The following VPS53 variants were observed in gnomAD, a reference collection of about 807,000 sequenced individuals.
The protein encoded by VPS53 is vacuolar protein sorting-associated protein 53 homolog.
A neutral mutation model predicts 107.0 loss-of-function variants in VPS53; 70 were observed. The observed-to-expected ratio is 0.65, with a 90% CI of 0.54 to 0.80. The LOEUF (loss-of-function observed/expected upper bound fraction) is 0.80, where lower values mean the gene tolerates loss of function less well. VPS53 is among the 30% of genes least tolerant of loss of function. The probability of loss-of-function intolerance (pLI) is 0.00; values close to 1 mark genes in which losing one functional copy is unlikely to be tolerated. For missense variants in VPS53, 917 were observed against 1,049.4 expected (o/e 0.87, Z 1.74); for synonymous variants, 409 against 393.3 (o/e 1.04, Z -0.47).
At chr17:710,046 G>A (rs151300770) in intron 2 of VPS53, among the ~76,000 whole-genome samples, 5,914 of 152,220 alleles carry the variant, frequency 0.039, 170 homozygotes, top group Admixed American at 0.094. Flanking sequence ...TCAGGAGGCT[G>A]AGGCAGAAGA....
At chr17:589,886 TA>T (rs1489554662) in intron 12 of VPS53, among the ~76,000 whole-genome samples, 1 of 152,082 alleles carries the variant, frequency 6.6e-6, no homozygotes, top group African/African-American at 2.4e-5. Context: ...ATATGAACTT[TA>T]AAGTAGTTTT....
chr17:689,003 G>A (rs973800539), intron 4 of VPS53, among the ~76,000 whole-genome samples: 1 of 152,184 alleles, frequency 6.6e-6, no homozygotes, highest in African/African-American at 2.4e-5. Context: ...AAACTTCGAG[G>A]CCATACTCTA....
intron 17 of VPS53, among the ~76,000 whole-genome samples, chr17:549,525 C>T (rs1567616302): frequency 6.6e-6 from 1 of 151,812 alleles, no homozygotes; most frequent in African/African-American, 2.4e-5. Context: ...CCGAACGAAC[C>T]GACAGTTCGT....
At chr17:578,401 T>G (rs1476571095) in intron 13 of VPS53, among the ~76,000 whole-genome samples, 3 of 142,744 alleles carry the variant, frequency 2.1e-5, no homozygotes, top group Admixed American at 2.1e-4. Flanking sequence ...TCAGTGCGTT[T>G]CCAGAGAAGC....
chr17:610,686 CGGG>C (rs1968822194), intron 11 of VPS53, among the ~76,000 whole-genome samples: 1 of 149,662 alleles, frequency 6.7e-6, no homozygotes, highest in South Asian at 2.1e-4. Context: ...GAGGTCGAGG[CGGG>C]TGGATCACTT....
chr17:530,729 T>G (rs1909475139), intron 19 of VPS53, among the ~76,000 whole-genome samples: 1 of 152,144 alleles, frequency 6.6e-6, no homozygotes, highest in Admixed American at 6.5e-5. Context: ...GAATAATTAG[T>G]GACCCTGCAA....
intron 13 of VPS53, among the ~76,000 whole-genome samples, chr17:584,021 C>T (rs546254647): frequency 6.6e-6 from 1 of 152,282 alleles, no homozygotes; most frequent in African/African-American, 2.4e-5. Flanking sequence ...GATAACTTCC[C>T]TCAGTACCTA....
At chr17:588,525 T>C (rs932658565) in intron 12 of VPS53, among the ~76,000 whole-genome samples, 2 of 152,146 alleles carry the variant, frequency 1.3e-5, no homozygotes, top group Non-Finnish European at 2.9e-5. Flanking sequence ...TAAAAAATGA[T>C]CACTAAAAAT....
At chr17:580,670 T>G (rs1269321998) in intron 13 of VPS53, among the ~76,000 whole-genome samples, 1 of 136,728 alleles carries the variant, frequency 7.3e-6, no homozygotes, top group South Asian at 2.4e-4. Flanking sequence ...CCTAGAGAAC[T>G]TCCCTCAGAA....
chr17:566,403 C>T (rs901058292), intron 13 of VPS53, among the ~76,000 whole-genome samples: 5 of 152,162 alleles, frequency 3.3e-5, no homozygotes, highest in African/African-American at 9.7e-5. Flanking sequence ...TCATCTGTTT[C>T]GTGCCTGTTA....
intron 4 of VPS53, among the ~76,000 whole-genome samples, chr17:666,521 G>A (rs12945829): frequency 0.18 from 27,486 of 151,952 alleles, 3,057 homozygotes; most frequent in South Asian, 0.25. Context: ...AAAATTAGCC[G>A]GGCGTGGTGG....
At chr17:572,130 G>A (rs990515985) in intron 13 of VPS53, among the ~76,000 whole-genome samples, 7 of 151,668 alleles carry the variant, frequency 4.6e-5, no homozygotes, top group African/African-American at 1.5e-4. Context: ...TCCCATCTAG[G>A]AAGTGAGGAG....
intron 13 of VPS53, among the ~76,000 whole-genome samples, chr17:570,151 G>A (rs995040982): frequency 2.0e-5 from 3 of 151,836 alleles, no homozygotes; most frequent in Non-Finnish European, 4.4e-5. Flanking sequence ...TGGATCACCT[G>A]AAGTCAGGAG....
At chr17:531,424 T>A (rs1321601295) in intron 19 of VPS53, among the ~76,000 whole-genome samples, 6 of 152,204 alleles carry the variant, frequency 3.9e-5, no homozygotes, top group African/African-American at 1.4e-4. Flanking sequence ...ATAACAATAA[T>A]GGATGTAAGC....
At chr17:579,482 G>A (rs1966878667) in intron 13 of VPS53, among the ~76,000 whole-genome samples, 1 of 149,732 alleles carries the variant, frequency 6.7e-6, no homozygotes, top group African/African-American at 2.5e-5. Context: ...ACTTCCCTCA[G>A]AACCTCAGTG....
intron 12 of VPS53, among the ~76,000 whole-genome samples, chr17:592,573 T>C (rs569850672): frequency 1.3e-5 from 2 of 152,334 alleles, no homozygotes; most frequent in East Asian, 1.9e-4. Context: ...GGAGCTCTTT[T>C]AGGGCAGGTC....
At position 570,830 on chromosome 17, in the gene VPS53, T is replaced by C. The variant is rs115570859; in HGVS notation, c.1314-8085A>G. Among the ~76,000 whole-genome samples, 319 of 152,300 alleles carry C rather than the reference T, an allele frequency of 2.1e-3. 3 individuals carry two copies. The highest frequency in any genetic ancestry group is 7.1e-3 in the African/African-American group (297 of 41,566). ...AGCAGTAATACTGTATCACTGTGAATTCCCTGATGTTGATAGCTGTACTGT... is the reference window on the plus strand; with the variant it reads ...AGCAGTAATACTGTATCACTGTGAACTCCCTGATGTTGATAGCTGTACTGT... On this transcript the variant is annotated intron_variant, in intron 13 of 21. Coordinates refer to ENST00000437048, the MANE Select transcript of VPS53 (RefSeq NM_001128159.3).
chr17:648,120 T>C (rs1229454751), intron 7 of VPS53, among the ~76,000 whole-genome samples: 1 of 152,194 alleles, frequency 6.6e-6, no homozygotes, highest in Non-Finnish European at 1.5e-5. Flanking sequence ...CCTGGCAGGT[T>C]TCTCCAGGTC....
chr17:551,574 A>C (rs1443041746), intron 17 of VPS53: 1 of 168,466 alleles, frequency 5.9e-6, no homozygotes. Flanking sequence ...CTCTAAAAAA[A>C]TATAAATAAA....
Sources: allele counts gnomAD v4.1 joint callset (sites outside exome capture counted in the v4.1 genomes callset), GRCh38; gene constraint gnomAD v4.1.1; transcripts MANE v1.5; gene names NCBI Gene and HGNC (gene_info 2026-07-23, HGNC 2026-07-21).